The following PTPRE variants were observed in gnomAD, a reference collection of about 807,000 sequenced individuals.
PTPRE encodes protein tyrosine phosphatase receptor type E.
Under a neutral mutation model 102.0 loss-of-function variants are expected in PTPRE, and 51 were observed. That is an observed-to-expected ratio of 0.50 (90% CI 0.40 to 0.63). The LOEUF is 0.63. Ranked by LOEUF, PTPRE falls within the 30% of genes least tolerant of loss-of-function variation. The pLI is 0.00. For missense variants in PTPRE, 752 were observed against 915.1 expected, an observed-to-expected ratio of 0.82 and a Z score of 2.30; for synonymous variants, 345 against 348.2, an observed-to-expected ratio of 0.99 and a Z score of 0.10.
intron 2 of PTPRE, among the ~76,000 whole-genome samples, chr10:128,004,760 C>T (rs1459577905): frequency 6.6e-6 from 1 of 152,072 alleles, no homozygotes; most frequent in Non-Finnish European, 1.5e-5. Flanking sequence ...GGATATATAC[C>T]TAGGAGTGGA....
chr10:127,962,923 G>C (rs972810506), intron 1 of PTPRE, among the ~76,000 whole-genome samples: 2 of 152,340 alleles, frequency 1.3e-5, no homozygotes, highest in South Asian at 2.1e-4. Context: ...GGCTGGGAGA[G>C]AGGAGAGCTG....
At chr10:127,915,440 C>G (rs903989869) in intron 1 of PTPRE, among the ~76,000 whole-genome samples, 4 of 152,218 alleles carry the variant, frequency 2.6e-5, no homozygotes, top group African/African-American at 9.6e-5. Context: ...ACTAAGCGCT[C>G]TCTTTTCCTA....
At chr10:128,069,518 C>A in intron 12 of PTPRE, 174 bp from the exon 13 acceptor site, 1 of 787,002 alleles carries the variant, frequency 1.3e-6, no homozygotes, top group Non-Finnish European at 2.0e-6. Context: ...GGCCTGAGAT[C>A]ACTTTACTGA....
At chr10:127,931,677 G>A (rs1847453522) in intron 1 of PTPRE, among the ~76,000 whole-genome samples, 1 of 152,178 alleles carries the variant, frequency 6.6e-6, no homozygotes, top group Non-Finnish European at 1.5e-5. Context: ...CCTAGGTTGT[G>A]GGGAAAATGT....
rs367982742 is a variant in PTPRE at position 128,085,179 on chromosome 10, C to T, written c.*2273C>T. On this transcript the variant is annotated 3_prime_UTR_variant, in exon 21 of 21. Coordinates refer to ENST00000254667, the MANE Select transcript of PTPRE (RefSeq NM_006504.6). ...GGTCATTACAGCCTCATGGCCTCTA[C>T]CAAGGCCCCAGATCACAGGATCTCC... 3.3e-5 allele frequency: 15 copies of T among 447,860 alleles called. No homozygotes were observed. Among genetic ancestry groups the T allele is most frequent in the East Asian group, 2.1e-4 (3 of 14,224 alleles). The allele number at this position is 447,860 out of a possible 1,614,324, so 27.7% of individuals were successfully genotyped here.
intron 2 of PTPRE, among the ~76,000 whole-genome samples, chr10:128,010,433 G>T (rs2135603127): frequency 6.6e-6 from 1 of 152,276 alleles, no homozygotes; most frequent in South Asian, 2.1e-4. Context: ...ATCACCACCA[G>T]GTCAGGGAAG....
At chr10:128,066,778 T>C (rs1850130640) in intron 11 of PTPRE, among the ~76,000 whole-genome samples, 1 of 152,236 alleles carries the variant, frequency 6.6e-6, no homozygotes, top group African/African-American at 2.4e-5. Context: ...AATAAGTGTC[T>C]GAGGTTCCAA....
intron 1 of PTPRE, among the ~76,000 whole-genome samples, chr10:127,951,661 C>G (rs189015033): frequency 6.6e-6 from 1 of 152,348 alleles, no homozygotes; most frequent in Admixed American, 6.5e-5. Flanking sequence ...CATTGGCTCC[C>G]TGACCTGTGG....
At chr10:127,994,283 C>A (rs1853021347) in intron 2 of PTPRE, among the ~76,000 whole-genome samples, 3 of 152,198 alleles carry the variant, frequency 2.0e-5, no homozygotes, top group African/African-American at 7.2e-5. Flanking sequence ...GCTCTCTTCT[C>A]TGATTCCATC....
chr10:128,036,967 G>C (rs1302130630), intron 2 of PTPRE, among the ~76,000 whole-genome samples: 1 of 152,188 alleles, frequency 6.6e-6, no homozygotes, highest in East Asian at 1.9e-4. Flanking sequence ...AGCATCCAGG[G>C]CTCCCTTTGG....
intron 1 of PTPRE, among the ~76,000 whole-genome samples, chr10:127,975,216 C>T (rs549564115): frequency 3.9e-5 from 6 of 152,232 alleles, no homozygotes; most frequent in South Asian, 2.1e-4. Flanking sequence ...TGTGAGTGAG[C>T]GGCCTCTAGA....
chr10:128,065,298 G>A (rs867806766), intron 10 of PTPRE, among the ~76,000 whole-genome samples: 21 of 152,224 alleles, frequency 1.4e-4, no homozygotes, highest in African/African-American at 5.1e-4. Flanking sequence ...ACTACTGGCA[G>A]GCTTGTTCCA....
chr10:128,016,618 A>G (rs1845453515), intron 2 of PTPRE, among the ~76,000 whole-genome samples: 1 of 151,910 alleles, frequency 6.6e-6, no homozygotes, highest in Admixed American at 6.6e-5. Flanking sequence ...GTGGCCTGGG[A>G]ACAGCACCCA....
intron 2 of PTPRE, among the ~76,000 whole-genome samples, chr10:127,986,705 G>GA (rs1037846812): frequency 7.9e-5 from 12 of 151,556 alleles, no homozygotes; most frequent in African/African-American, 1.9e-4. Context: ...ACCATGACAG[G>GA]AAAAAAAAAT....
chr10:127,992,539 G>C (rs1274854132), intron 2 of PTPRE, among the ~76,000 whole-genome samples: 1 of 152,152 alleles, frequency 6.6e-6, no homozygotes, highest in Non-Finnish European at 1.5e-5. Flanking sequence ...AGCTTCCCTG[G>C]TGAAGAGGCC....
At chr10:127,912,107 C>T (rs1039017314) in intron 1 of PTPRE, among the ~76,000 whole-genome samples, 3 of 152,118 alleles carry the variant, frequency 2.0e-5, no homozygotes, top group Admixed American at 1.3e-4. Context: ...CTGCTGTTTT[C>T]CCAGTCATAC....
chr10:128,059,534 A>C (rs1042637258), intron 7 of PTPRE, among the ~76,000 whole-genome samples: 1 of 152,174 alleles, frequency 6.6e-6, no homozygotes, highest in South Asian at 2.1e-4. Flanking sequence ...TCAGAGACTA[A>C]GCAGAGAAAG....
chr10:127,984,628 G>C (rs1277283426), intron 2 of PTPRE, among the ~76,000 whole-genome samples: 1 of 152,126 alleles, frequency 6.6e-6, no homozygotes, highest in Non-Finnish European at 1.5e-5. Context: ...TAATTCCCAC[G>C]TGTTGTGGGA....
chr10:127,979,704 T>C (rs1259206225), intron 1 of PTPRE, among the ~76,000 whole-genome samples: 1 of 152,208 alleles, frequency 6.6e-6, no homozygotes, highest in East Asian at 1.9e-4. Context: ...GCAAGTTTAA[T>C]TTCAAGTTAT....
Sources: allele counts gnomAD v4.1 joint callset (sites outside exome capture counted in the v4.1 genomes callset), GRCh38; gene constraint gnomAD v4.1.1; transcripts MANE v1.5; gene names NCBI Gene and HGNC (gene_info 2026-07-23, HGNC 2026-07-21).